Variants in FAM135A observed in about 807,000 individuals in gnomAD.
The protein encoded by FAM135A is family with sequence similarity 135 member A.
Under a neutral mutation model 146.8 loss-of-function variants are expected in FAM135A, and 79 were observed. That is an observed-to-expected ratio of 0.54 (90% CI 0.45 to 0.65). FAM135A has a LOEUF of 0.65. Among genes scored for constraint, FAM135A ranks in the 30% least tolerant of loss-of-function variants. FAM135A has a pLI of 0.00. For missense variants in FAM135A, 1,623 were observed against 1,758.2 expected (o/e 0.92, Z 1.38); for synonymous variants, 562 against 603.6 (o/e 0.93, Z 1.01).
chr6:70,478,482 A>G (rs1187237518), intron 8 of FAM135A, among the ~76,000 whole-genome samples: 5 of 152,222 alleles, frequency 3.3e-5, no homozygotes, highest in Non-Finnish European at 5.9e-5. Context: ...TCAGAAAACT[A>G]AGTAAATCAT....
At chr6:70,540,270 C>G (rs1035601968) in intron 20 of FAM135A, among the ~76,000 whole-genome samples, 2 of 150,280 alleles carry the variant, frequency 1.3e-5, no homozygotes, top group African/African-American at 2.4e-5. Flanking sequence ...TTCTTTTTCT[C>G]TCACTCCCTT....
chr6:70,449,886 G>A (rs1776657782), intron 4 of FAM135A, among the ~76,000 whole-genome samples: 1 of 152,120 alleles, frequency 6.6e-6, no homozygotes, highest in African/African-American at 2.4e-5. Context: ...CCAATAGTGT[G>A]CAGTGGTTCC....
intron 20 of FAM135A, among the ~76,000 whole-genome samples, chr6:70,540,550 C>T (rs1320934279): frequency 6.6e-6 from 1 of 152,064 alleles, no homozygotes; most frequent in Non-Finnish European, 1.5e-5. Flanking sequence ...TGGTCTCGAT[C>T]TCCTGACCTT....
At chr6:70,484,561 G>T (rs1049896544) in intron 10 of FAM135A, among the ~76,000 whole-genome samples, 18 of 152,168 alleles carry the variant, frequency 1.2e-4, no homozygotes, top group African/African-American at 4.1e-4. Flanking sequence ...CGGATTGGGG[G>T]AAGTGATTGT....
chr6:70,555,522 A>T (rs887696074), intron 20 of FAM135A, among the ~76,000 whole-genome samples: 2 of 152,030 alleles, frequency 1.3e-5, no homozygotes, highest in Non-Finnish European at 2.9e-5. Context: ...CAAAGTTCTG[A>T]GATTACAGGC....
At chr6:70,551,508 G>A (rs1799830907) in intron 20 of FAM135A, among the ~76,000 whole-genome samples, 1 of 152,188 alleles carries the variant, frequency 6.6e-6, no homozygotes, top group Admixed American at 6.5e-5. Flanking sequence ...CTACTTGGGA[G>A]GTTGAAGTGG....
At chr6:70,534,904 A>G (rs570530346) in intron 18 of FAM135A, among the ~76,000 whole-genome samples, 1 of 152,344 alleles carries the variant, frequency 6.6e-6, no homozygotes, top group East Asian at 1.9e-4. Flanking sequence ...TTTAAAAAAC[A>G]GAATTCTGTT....
intron 4 of FAM135A, among the ~76,000 whole-genome samples, chr6:70,431,485 C>T (rs983613719): frequency 1.3e-5 from 2 of 152,122 alleles, no homozygotes; most frequent in African/African-American, 4.8e-5. Context: ...AGAAACCATG[C>T]CAGCAGACCT....
chr6:70,433,933 GA>G (rs1397714231), intron 4 of FAM135A, among the ~76,000 whole-genome samples: 23 of 150,736 alleles, frequency 1.5e-4, no homozygotes, highest in Admixed American at 3.9e-4. Flanking sequence ...ACAATCTAAA[GA>G]AAAACTAGTT....
chr6:70,418,281 G>A (rs1265838397), intron 2 of FAM135A: 1 of 152,198 alleles, frequency 6.6e-6, no homozygotes, highest in African/African-American at 2.4e-5. Context: ...GATCTACAGA[G>A]TGAGGCAAGT....
In FAM135A at chr6:70,475,933, C is replaced by A. The variant is rs140265928; in HGVS notation, c.368+200C>A. ...AATCCATGAGCTCCAGATAACAAAA[C>A]CAGACAAGTTAAAGAAATATGGAAC... On this transcript the variant is annotated intron_variant, in intron 7 of 21. Coordinates refer to ENST00000418814, the MANE Select transcript of FAM135A (RefSeq NM_001162529.3). 2.5e-3 allele frequency among the ~76,000 whole-genome samples: 375 copies of A among 152,234 alleles called. 3 individuals are homozygous for A. Among genetic ancestry groups the A allele is most frequent in the African/African-American group, 8.6e-3 (357 of 41,530 alleles).
At chr6:70,509,343 CTT>C (rs1416332712) in intron 12 of FAM135A, among the ~76,000 whole-genome samples, 2 of 152,054 alleles carry the variant, frequency 1.3e-5, no homozygotes, top group Admixed American at 6.6e-5. Flanking sequence ...CTCTTTTATT[CTT>C]TGACTAACAT....
chr6:70,511,277 G>T (rs964038402), intron 12 of FAM135A, among the ~76,000 whole-genome samples: 1 of 151,792 alleles, frequency 6.6e-6, no homozygotes, highest in Non-Finnish European at 1.5e-5. Context: ...GGACATCAGG[G>T]CAGCAGGAAA....
At chr6:70,455,001 A>C (rs1033847916) in intron 5 of FAM135A, among the ~76,000 whole-genome samples, 5 of 152,122 alleles carry the variant, frequency 3.3e-5, no homozygotes, top group African/African-American at 1.2e-4. Flanking sequence ...ATGGCATTGA[A>C]TCTATAAATT....
intron 5 of FAM135A, 142 bp downstream of exon 5, chr6:70,452,713 C>G: frequency 1.8e-6 from 1 of 550,316 alleles, no homozygotes; most frequent in Non-Finnish European, 3.1e-6. Context: ...TATTTGGGGA[C>G]TCAGTGAAAC....
intron 2 of FAM135A, among the ~76,000 whole-genome samples, chr6:70,422,232 G>C (rs1319254054): frequency 6.6e-6 from 1 of 152,198 alleles, no homozygotes; most frequent in South Asian, 2.1e-4. Context: ...TGTTACGCCA[G>C]CAAGAACTGA....
intron 20 of FAM135A, among the ~76,000 whole-genome samples, chr6:70,556,220 G>T (rs933101874): frequency 1.1e-4 from 16 of 152,038 alleles, no homozygotes; most frequent in African/African-American, 3.9e-4. Flanking sequence ...CTGCACTCCA[G>T]CCTGGGCAAC....
At chr6:70,558,387 T>C (rs1277044624) in intron 21 of FAM135A, among the ~76,000 whole-genome samples, 2 of 152,240 alleles carry the variant, frequency 1.3e-5, no homozygotes, top group Non-Finnish European at 1.5e-5. Flanking sequence ...TTTATTAGTA[T>C]ATAGTAATGC....
chr6:70,423,810 G>A (rs1562389590), intron 2 of FAM135A, among the ~76,000 whole-genome samples: 1 of 152,116 alleles, frequency 6.6e-6, no homozygotes, highest in Non-Finnish European at 1.5e-5. Flanking sequence ...TCTTCCTCAA[G>A]GGAGACAACC....
Sources: gnomAD v4.1 joint callset for allele counts (sites outside exome capture counted in the v4.1 genomes callset) on GRCh38, gnomAD v4.1.1 for gene constraint, MANE v1.5 for transcripts, NCBI Gene and HGNC (gene_info 2026-07-23, HGNC 2026-07-21) for gene names.